ST7L: variants seen among roughly 807,000 people sequenced by gnomAD.
The protein encoded by ST7L is suppression of tumorigenicity 7 like.
ST7L carries 57 observed loss-of-function variants against 72.5 expected under a neutral mutation model. The observed-to-expected ratio is 0.79, with a 90% confidence interval of 0.64 to 0.98. ST7L has a LOEUF of 0.98. Ranked by LOEUF, ST7L falls within the 50% of genes least tolerant of loss-of-function variation. ST7L has a pLI of 0.00. For missense variants in ST7L, 576 were observed against 672.2 expected (o/e 0.86, Z 1.58); for synonymous variants, 221 against 240.9 (o/e 0.92, Z 0.77).
At chr1:112,563,746 C>T (rs567967188) in intron 11 of ST7L, among the ~76,000 whole-genome samples, 5 of 152,136 alleles carry the variant, frequency 3.3e-5, no homozygotes, top group Non-Finnish European at 7.3e-5. Flanking sequence ...GTTTCTTTTA[C>T]AACTCTAAAG....
At chr1:112,569,971 A>AC (rs1394233301) in intron 11 of ST7L, among the ~76,000 whole-genome samples, 3 of 151,596 alleles carry the variant, frequency 2.0e-5, no homozygotes, top group East Asian at 3.9e-4. Context: ...AAAAAAAAAA[A>AC]AAACAAAAAA....
intron 11 of ST7L, among the ~76,000 whole-genome samples, chr1:112,568,867 T>TAAATAA (rs1661559143): frequency 3.9e-5 from 2 of 51,030 alleles, no homozygotes; most frequent in African/African-American, 6.2e-5. Flanking sequence ...TATAAATATA[T>TAAATAA]ATATATATAT....
chr1:112,583,857 C>T lies in ST7L; in HGVS notation c.856+115G>A, dbSNP rs1321564396. The T allele has an allele frequency of 5.9e-6, 7 of 1,184,112 alleles. No individual in the cohort carries two copies. In the East Asian group the frequency reaches 1.4e-4, roughly 24 times the overall value. The allele number at this position is 1,184,112 out of a possible 1,614,324, so 73.4% of individuals were successfully genotyped here. ...GTATTGTGAATAGATTAGTTATTTC[C>T]AGTGAAAATTAACTAACCTGTAAGT... On this transcript the variant is annotated intron_variant, in intron 7 of 14. Coordinates refer to ENST00000358039, the MANE Select transcript of ST7L (RefSeq NM_017744.5).
chr1:112,617,377 T>TTCAAATAATTA (rs1295783323), intron 1 of ST7L: 18 of 154,314 alleles, frequency 1.2e-4, no homozygotes, highest in African/African-American at 3.4e-4. Flanking sequence ...GATTTTTCAC[T>TTCAAATAATTA]TCAAATAATT....
intron 4 of ST7L, 64 bp downstream of exon 4, chr1:112,600,730 G>C: frequency 2.9e-6 from 4 of 1,393,752 alleles, no homozygotes; most frequent in Non-Finnish European, 4.0e-6. Flanking sequence ...AAAGACAAAT[G>C]ATTTTGTAAA....
chr1:112,540,275 G>C, intron 14 of ST7L: 3 of 985,334 alleles, frequency 3.0e-6, no homozygotes, highest in Non-Finnish European at 3.6e-6. Flanking sequence ...GCTTGCCTGT[G>C]ATCTCACATA....
At chr1:112,593,706 G>GA (rs886925347) in intron 5 of ST7L, among the ~76,000 whole-genome samples, 4 of 151,956 alleles carry the variant, frequency 2.6e-5, no homozygotes, top group African/African-American at 9.7e-5. Flanking sequence ...AAATGCTGAA[G>GA]AAAAAAATCC....
intron 13 of ST7L, among the ~76,000 whole-genome samples, chr1:112,544,985 C>T (rs765217888): frequency 3.9e-5 from 6 of 152,044 alleles, no homozygotes; most frequent in African/African-American, 1.2e-4. Context: ...GCATAAAAGA[C>T]GACTAAATAG....
At chr1:112,618,032 G>GA (rs1474904725) in intron 1 of ST7L, 4 of 1,303,962 alleles carry the variant, frequency 3.1e-6, no homozygotes, top group Non-Finnish European at 4.0e-6. Context: ...CTCTGAACAG[G>GA]AAAGGGGACA....
At chr1:112,569,535 GACT>G (rs1207729790) in intron 11 of ST7L, among the ~76,000 whole-genome samples, 2 of 152,232 alleles carry the variant, frequency 1.3e-5, no homozygotes, top group Admixed American at 6.5e-5. Context: ...ACTGGGGGGT[GACT>G]ACTAACAGGT....
At chr1:112,543,416 C>T (rs2101429250) in intron 13 of ST7L, among the ~76,000 whole-genome samples, 1 of 152,230 alleles carries the variant, frequency 6.6e-6, no homozygotes, top group South Asian at 2.1e-4. Context: ...GGCGTGGTGA[C>T]ACGCGCCTAT....
At chr1:112,597,470 A>G (rs747694264) in intron 5 of ST7L, among the ~76,000 whole-genome samples, 1 of 152,212 alleles carries the variant, frequency 6.6e-6, no homozygotes, top group Non-Finnish European at 1.5e-5. Flanking sequence ...CTGTCTTTAA[A>G]CCATAAAATT....
At chr1:112,589,730 C>T (rs186760648) in intron 6 of ST7L, among the ~76,000 whole-genome samples, 4 of 152,230 alleles carry the variant, frequency 2.6e-5, no homozygotes, top group Middle Eastern at 3.2e-3. Flanking sequence ...CAGATGGGCT[C>T]TGTGTGGGTG....
chr1:112,591,722 C>T, intron 5 of ST7L, 119 bp from the exon 6 acceptor site: 1 of 577,110 alleles, frequency 1.7e-6, no homozygotes, highest in Non-Finnish European at 2.8e-6. Flanking sequence ...ACATACAAAA[C>T]AAGAAACTAG....
intron 1 of ST7L, chr1:112,618,352 TTA>T: frequency 3.8e-6 from 3 of 797,576 alleles, no homozygotes; most frequent in Middle Eastern, 6.2e-4. Flanking sequence ...CTGTACTATT[TTA>T]TTACTCAAGA....
intron 6 of ST7L, among the ~76,000 whole-genome samples, chr1:112,584,968 G>A (rs942094558): frequency 2.6e-5 from 4 of 152,252 alleles, no homozygotes; most frequent in South Asian, 2.1e-4. Context: ...TCTGCATGCT[G>A]TCCCATCCAC....
chr1:112,539,655 CAA>C (rs11372554), intron 14 of ST7L: 12,121 of 736,488 alleles, frequency 0.016, no homozygotes, highest in Middle Eastern at 0.024. Flanking sequence ...GACTCTGTTT[CAA>C]AAAAAAAAAA....
chr1:112,562,956 G>C (rs1660420647), intron 11 of ST7L, among the ~76,000 whole-genome samples: 1 of 152,066 alleles, frequency 6.6e-6, no homozygotes, highest in African/African-American at 2.4e-5. Context: ...GAAATGCGTA[G>C]AAAATGTGGG....
chr1:112,539,375 G>T (rs1288872193), intron 14 of ST7L: 1 of 152,310 alleles, frequency 6.6e-6, no homozygotes, highest in African/African-American at 2.4e-5. Flanking sequence ...CTGGAAACTG[G>T]CCGGGTGCGG....
Sources: gnomAD v4.1 joint callset for allele counts (sites outside exome capture counted in the v4.1 genomes callset) on GRCh38, gnomAD v4.1.1 for gene constraint, MANE v1.5 for transcripts, NCBI Gene and HGNC (gene_info 2026-07-23, HGNC 2026-07-21) for gene names.